The following MECOM variants were observed in gnomAD, a reference collection of about 807,000 sequenced individuals.
MECOM encodes MDS1 and EVI1 complex locus.
A neutral mutation model predicts 116.3 loss-of-function variants in MECOM; 13 were observed. The observed-to-expected ratio is 0.11, with a 90% CI of 0.07 to 0.18. MECOM has a LOEUF of 0.18. MECOM is among the 10% of genes least tolerant of loss of function. The probability of loss-of-function intolerance (pLI) is 1.00; values close to 1 mark genes in which losing one functional copy is unlikely to be tolerated. For missense variants in MECOM, 1,299 were observed against 1,509.0 expected (o/e 0.86, Z 2.31); for synonymous variants, 528 against 535.2 (o/e 0.99, Z 0.19).
chr3:169,224,851 T>C (rs1752545799), intron 2 of MECOM, among the ~76,000 whole-genome samples: 1 of 152,168 alleles, frequency 6.6e-6, no homozygotes, highest in South Asian at 2.1e-4. Context: ...CAACAATCTG[T>C]TGAGTCGAGC....
intron 1 of MECOM, among the ~76,000 whole-genome samples, chr3:169,510,119 C>G (rs16853907): frequency 6.6e-6 from 1 of 152,190 alleles, no homozygotes; most frequent in African/African-American, 2.4e-5. Context: ...TATGCACAAG[C>G]TTTTCTGAAC....
chr3:169,094,298 C>T (rs1023188873), intron 13 of MECOM, among the ~76,000 whole-genome samples: 1 of 152,064 alleles, frequency 6.6e-6, no homozygotes, highest in East Asian at 1.9e-4. Flanking sequence ...TGTATCTCTC[C>T]TCCCCTACCC....
chr3:169,465,928 C>G (rs976219797), intron 1 of MECOM, among the ~76,000 whole-genome samples: 29 of 152,318 alleles, frequency 1.9e-4, no homozygotes, highest in African/African-American at 6.3e-4. Context: ...TGATCCTTTT[C>G]TAACAAGAGT....
chr3:169,353,032 T>C (rs758523863), intron 2 of MECOM, among the ~76,000 whole-genome samples: 3 of 151,910 alleles, frequency 2.0e-5, no homozygotes, highest in African/African-American at 7.2e-5. Flanking sequence ...ATTGTTGATT[T>C]ATCCCACGAG....
chr3:169,154,064 T>TTC, intron 2 of MECOM, among the ~76,000 whole-genome samples: 1 of 152,288 alleles, frequency 6.6e-6, no homozygotes, highest in South Asian at 2.1e-4. Context: ...AGTGTTTTTT[T>TTC]TCTCTCAAGC....
intron 1 of MECOM, among the ~76,000 whole-genome samples, chr3:169,416,658 G>C (rs978700504): frequency 4.6e-5 from 7 of 151,714 alleles, no homozygotes; most frequent in African/African-American, 1.7e-4. Flanking sequence ...GAAGAAAAGA[G>C]AGACAAATCA....
intron 1 of MECOM, among the ~76,000 whole-genome samples, chr3:169,399,690 A>G (rs769161766): frequency 2.0e-5 from 3 of 152,232 alleles, no homozygotes; most frequent in Non-Finnish European, 4.4e-5. Flanking sequence ...GAATGAGCCT[A>G]GAGTTTGAAA....
intron 2 of MECOM, among the ~76,000 whole-genome samples, chr3:169,191,728 GAAAGAAAGAAAGAGAAAGA>G (rs1559973426): frequency 4.1e-4 from 14 of 34,106 alleles, no homozygotes; most frequent in African/African-American, 9.2e-4. Flanking sequence ...AAAAAAGAAA[GAAAGAAAGAAAGAGAAAGA>G]AAGAAAGAAA....
At chr3:169,658,990 C>G (rs1242357523) in intron 1 of MECOM, among the ~76,000 whole-genome samples, 1 of 151,156 alleles carries the variant, frequency 6.6e-6, no homozygotes, top group Non-Finnish European at 1.5e-5. Flanking sequence ...GATAACCTGG[C>G]CCCAACTTAC....
chr3:169,474,578 C>T (rs967358849), intron 1 of MECOM, among the ~76,000 whole-genome samples: 1 of 151,996 alleles, frequency 6.6e-6, no homozygotes, highest in African/African-American at 2.4e-5. Context: ...ACTGCTTTTT[C>T]CCTAATGCTA....
chr3:169,648,745 T>A (rs1019055118), intron 1 of MECOM, among the ~76,000 whole-genome samples: 5 of 152,222 alleles, frequency 3.3e-5, no homozygotes, highest in African/African-American at 4.8e-5. Flanking sequence ...CATGCCAGCC[T>A]GAAAGACAAG....
chr3:169,452,190 A>G (rs558824559), intron 1 of MECOM, among the ~76,000 whole-genome samples: 1 of 152,086 alleles, frequency 6.6e-6, no homozygotes, highest in African/African-American at 2.4e-5. Flanking sequence ...GCCCAACTAC[A>G]GCTTGGTAGA....
chr3:169,389,034 T>C (rs1733827750), intron 1 of MECOM, among the ~76,000 whole-genome samples: 1 of 152,218 alleles, frequency 6.6e-6, no homozygotes, highest in African/African-American at 2.4e-5. Context: ...CAAACTTTTA[T>C]TTTTCTCCTG....
intron 1 of MECOM, among the ~76,000 whole-genome samples, chr3:169,651,478 G>C (rs908511566): frequency 6.6e-6 from 1 of 152,054 alleles, no homozygotes; most frequent in East Asian, 1.9e-4. Context: ...TTTCTTTTTT[G>C]GTTACGGCAT....
At chr3:169,219,082 G>A (rs149048621) in intron 2 of MECOM, among the ~76,000 whole-genome samples, 24 of 152,048 alleles carry the variant, frequency 1.6e-4, no homozygotes, top group Admixed American at 1.0e-3. Context: ...TCCTCATCTC[G>A]CTATAACAGC....
intron 3 of MECOM, 42 bp from the exon 4 acceptor site, chr3:169,131,573 G>C (rs995403272): frequency 4.0e-6 from 6 of 1,489,562 alleles, no homozygotes; most frequent in African/African-American, 1.4e-5. Context: ...AGGAAAGAGA[G>C]AGATGTATAT....
intron 6 of MECOM, 135 bp from the exon 7 acceptor site, chr3:169,121,344 C>T: frequency 1.2e-6 from 1 of 858,912 alleles, no homozygotes; most frequent in Non-Finnish European, 1.7e-6. Flanking sequence ...AGTGTACTCT[C>T]CTCTAATTTC....
intron 2 of MECOM, among the ~76,000 whole-genome samples, chr3:169,344,813 A>T (rs1485291637): frequency 6.6e-6 from 1 of 152,158 alleles, no homozygotes; most frequent in African/African-American, 2.4e-5. Context: ...CAGATCTTTG[A>T]TTTCTGGTCC....
At chr3:169,243,870 A>G (rs772664324) in intron 2 of MECOM, among the ~76,000 whole-genome samples, 1 of 152,238 alleles carries the variant, frequency 6.6e-6, no homozygotes, top group Non-Finnish European at 1.5e-5. Context: ...GCAGAATAAT[A>G]AATTACCAAA....
Sources: gnomAD v4.1 joint callset for allele counts (sites outside exome capture counted in the v4.1 genomes callset) on GRCh38, gnomAD v4.1.1 for gene constraint, MANE v1.5 for transcripts, NCBI Gene and HGNC (gene_info 2026-07-23, HGNC 2026-07-21) for gene names.